The following BMP4 variants were observed in gnomAD, a reference collection of about 807,000 sequenced individuals.
BMP4 encodes the protein bone morphogenetic protein 2B.
In BMP4, 3 loss-of-function variants were observed where a neutral mutation model predicts 29.6. The ratio of observed to expected loss-of-function variants is 0.10; its 90% CI spans 0.05 to 0.26. The LOEUF is 0.26. Among genes scored for constraint, BMP4 ranks in the 10% least tolerant of loss-of-function variants. The pLI is 1.00. For synonymous variants in BMP4, 197 were observed against 213.2 expected (o/e 0.92, Z 0.66); for missense variants, 455 against 550.2 (o/e 0.83, Z 1.73).
In BMP4 at chr14:53,955,330, A is replaced by C. The variant is rs1206010378; in HGVS notation, c.-133+1220T>G. The C allele has an allele frequency of 6.6e-6, 1 of 152,228 alleles. No individual in the cohort carries two copies. The highest frequency in any genetic ancestry group is 1.5e-5 in the Non-Finnish European group (1 of 68,058). The allele number at this position is 152,228 out of a possible 1,614,324, so 9.4% of individuals were successfully genotyped here. A position where few individuals can be genotyped will look rare whatever the true frequency, so the allele number is the denominator to read the frequency against. On this transcript the variant is annotated intron_variant, in intron 1 of 3. Coordinates refer to ENST00000245451, the MANE Select transcript of BMP4 (RefSeq NM_001202.6). The surrounding 1 kb of genome is among the most constrained non-coding windows in gnomAD (Gnocchi z 4.0). ...GCCCCAAGGAATCTCCTGGGGCGGG[A>C]GAGCGCGGTTCTAAAACCGAGAGGA...
Position 53,952,392 on chromosome 14 carries a change from G to C in BMP4, c.-7-163C>G, listed in dbSNP as rs10130587. 0.45 allele frequency among the ~76,000 whole-genome samples: 66,166 copies of C among 147,082 alleles called. 15,219 individuals carry two copies. Among genetic ancestry groups the C allele is most frequent in the African/African-American group, 0.53 (21,051 of 39,988 alleles). ...TTGTGTCTTCTCCCTCACACCACCC[G>C]CCCACCCACCAGCTGCAGCCATGCA... On this transcript the variant is annotated intron_variant, in intron 2 of 3. Coordinates refer to ENST00000245451, the MANE Select transcript of BMP4 (RefSeq NM_001202.6).
chr14:53,952,176 A>G lies in BMP4; in HGVS notation c.47T>C (p.Val16Ala). 6.2e-7 allele frequency: 1 copy of G among 1,614,086 alleles called. No homozygotes were observed. Among genetic ancestry groups the G allele is most frequent in the Non-Finnish European group, 8.5e-7 (1 of 1,180,008 alleles). The part of the protein sequence containing the change: ...RMLMVVLLCQ[V>A]LLGGASHASL... Reference sequence around the variant, plus strand: ...AGCATGGCTCGCGCCTCCTAGCAGGACTTGGCATAATAAAACGACCATCAG... The same window carrying G: ...AGCATGGCTCGCGCCTCCTAGCAGGGCTTGGCATAATAAAACGACCATCAG... Residue 16 changes from valine (V) to alanine (A), a missense_variant, in exon 3 of 4, where the codon GTC becomes GCC. Val to Ala is a moderately conservative substitution (Grantham distance 64). Transcript: ENST00000245451.
chr14:53,952,661 C>G (rs1035934344), intron 2 of BMP4, among the ~76,000 whole-genome samples: 1 of 152,126 alleles, frequency 6.6e-6, no homozygotes, highest in African/African-American at 2.4e-5. Context: ...CTCCCTTTTC[C>G]TCCACCCTCA....
intron 3 of BMP4, chr14:53,951,575 A>C: frequency 2.4e-6 from 1 of 420,556 alleles, no homozygotes. Context: ...ACGGGCAGAA[A>C]ACCTAGCAGA....
chr14:53,951,630 G>T, intron 3 of BMP4: 4 of 659,196 alleles, frequency 6.1e-6, no homozygotes, highest in Middle Eastern at 4.4e-4. Flanking sequence ...GCTAGCCCAC[G>T]TCTGAGTGCT....
At chr14:53,953,032 T>G (rs1895529658) in intron 2 of BMP4, among the ~76,000 whole-genome samples, 1 of 152,114 alleles carries the variant, frequency 6.6e-6, no homozygotes, top group African/African-American at 2.4e-5. Flanking sequence ...CTTTCATCTC[T>G]TTAGCTCCCT....
rs1366296547 is a variant in BMP4 at position 53,954,788 on chromosome 14, T to G, written c.-132-1388A>C. Among the ~76,000 whole-genome samples, 2 of 151,928 alleles carry G rather than the reference T, an allele frequency of 1.3e-5. No homozygotes were observed. The highest frequency in any genetic ancestry group is 4.8e-5 in the African/African-American group (2 of 41,362). On this transcript the variant is annotated intron_variant, in intron 1 of 3. Coordinates refer to ENST00000245451, the MANE Select transcript of BMP4 (RefSeq NM_001202.6). This position sits in a 1 kb window ranked among gnomAD's most constrained non-coding sequence, Gnocchi z 4.8. The stretch of plus-strand genomic sequence containing the variant: ...GTCCCCGGGGCCCGGGCCCCATGAC[T>G]CCTGCCCCAAAGCCCACTCCACCCG...
In BMP4 at chr14:53,955,135, G is replaced by A. The variant is rs1053421042; in HGVS notation, c.-133+1415C>T. On this transcript the variant is annotated intron_variant, in intron 1 of 3. Coordinates refer to ENST00000245451, the MANE Select transcript of BMP4 (RefSeq NM_001202.6). The surrounding 1 kb of genome is among the most constrained non-coding windows in gnomAD (Gnocchi z 4.0). ...CCACCGCTGGGGCGGGCTGCGAAAG[G>A]GTTGGGAAGAGCAAAGGGTTTTTTT... is the stretch of plus-strand genomic sequence containing the variant. 1.1e-4 allele frequency among the ~76,000 whole-genome samples: 16 copies of A among 152,306 alleles called. No homozygotes were observed. The highest frequency in any genetic ancestry group is 3.8e-4 in the African/African-American group (16 of 41,588).
At chr14:53,951,321 AT>A (rs1182579177) in intron 3 of BMP4, 1 of 243,336 alleles carries the variant, frequency 4.1e-6, no homozygotes, top group Non-Finnish European at 8.0e-6. Flanking sequence ...CTCTTCCACT[AT>A]TGAGTATGTT....
rs1003477871 is a variant in BMP4 at position 53,953,234 on chromosome 14, G to C, written c.-8+42C>G. On this transcript the variant is annotated intron_variant, in intron 2 of 3. Transcript: ENST00000245451. The stretch of plus-strand genomic sequence containing the variant: ...CCGGCGAGCAGGGGTGGTGAGGGCA[G>C]AGTGAATTCCGGGGAGGGGGAAGGA... The C allele has an allele frequency of 1.3e-5, 5 of 395,998 alleles. No individual in the cohort carries two copies. The East Asian group carries it at 1.8e-4, about 14-fold the overall frequency. The allele number at this position is 395,998 out of a possible 1,614,324, so 24.5% of individuals were successfully genotyped here.
At position 53,950,703 on chromosome 14, in the gene BMP4, G is replaced by T. The variant is rs1452882837; in HGVS notation, c.556C>A (p.Pro186Thr). The change falls in exon 4 of 4, where the codon CCC (proline) becomes ACC (threonine). Residue 186 changes from proline (P) to threonine (T), a missense_variant. Physicochemically the swap from Pro to Thr is conservative, Grantham distance 38. Transcript: ENST00000245451. This position sits in a 1 kb window ranked among gnomAD's most constrained non-coding sequence, Gnocchi z 5.4. ...HRINIYEVMK[P>T]PAEVVPGHLI... is the part of the protein sequence containing the mutation. Reference sequence around the variant, plus strand: ...TGCCCAGGCACCACTTCTGCTGGGGGCTTCATAACCTCATAAATGTTTATA... The same window carrying T: ...TGCCCAGGCACCACTTCTGCTGGGGTCTTCATAACCTCATAAATGTTTATA... The T allele has an allele frequency of 6.2e-7, 1 of 1,614,210 alleles. No individual in the cohort carries two copies. Among genetic ancestry groups the T allele is most frequent in the Non-Finnish European group, 8.5e-7 (1 of 1,180,042 alleles).
chr14:53,950,497 A>G lies in BMP4; in HGVS notation c.762T>C (p.Ile254=), dbSNP rs1375082670. The part of the protein sequence containing the change: ...TRTHQGQHVR[I]SRSLPQGSGN... ...CACTCCCTTGAGGTAACGATCGGCT[A>G]ATCCTGACATGCTGGCCCTGGTGGG... The change falls in exon 4 of 4, where the codon ATT becomes ATC. Residue 254 remains isoleucine (I), a synonymous_variant. Transcript: ENST00000245451. The surrounding 1 kb of genome is among the most constrained non-coding windows in gnomAD (Gnocchi z 5.4). 29 of 1,614,074 alleles carry G rather than the reference A, an allele frequency of 1.8e-5. No homozygotes were observed. The highest frequency in any genetic ancestry group is 2.3e-5 in the Non-Finnish European group (27 of 1,180,050).
chr14:53,956,053 GGC>G (rs1180476959), intron 1 of BMP4: 1 of 152,628 alleles, frequency 6.6e-6, no homozygotes. Context: ...CCTCCGGAGC[GGC>G]GCGCACTCTC....
At chr14:53,952,600 G>A (rs1000610396) in intron 2 of BMP4, among the ~76,000 whole-genome samples, 4 of 152,062 alleles carry the variant, frequency 2.6e-5, no homozygotes, top group Non-Finnish European at 4.4e-5. Context: ...AAAGGGGTGG[G>A]GGAGGGAGAA....
chr14:53,953,216 G>C (rs1162454120), intron 2 of BMP4, 60 bp downstream of exon 2: 1 of 394,264 alleles, frequency 2.5e-6, no homozygotes, highest in Non-Finnish European at 4.5e-6. Flanking sequence ...CAGCCGGCGA[G>C]CAGGGGTGGT....
intron 1 of BMP4, among the ~76,000 whole-genome samples, chr14:53,956,206 C>A (rs1895711439): frequency 6.6e-6 from 1 of 152,246 alleles, no homozygotes; most frequent in Middle Eastern, 3.4e-3. Flanking sequence ...CGCTTTCCGT[C>A]CGGGGATCGC....
chr14:53,951,816 CA>C (rs749321751), intron 3 of BMP4, 36 bp downstream of exon 3: 1 of 1,596,436 alleles, frequency 6.3e-7, no homozygotes, highest in Non-Finnish European at 8.5e-7. Context: ...CCAGTCCCAC[CA>C]GCCCTCCCCC....
At chr14:53,952,453 G>C (rs1161765696) in intron 2 of BMP4, among the ~76,000 whole-genome samples, 1 of 151,904 alleles carries the variant, frequency 6.6e-6, no homozygotes, top group Admixed American at 6.6e-5. Context: ...TAATTACTTG[G>C]TCTAACTTGT....
Position 53,949,984 on chromosome 14 carries a change from G to A in BMP4, c.*48C>T. On this transcript the variant is annotated 3_prime_UTR_variant, in exon 4 of 4. Coordinates refer to ENST00000245451, the MANE Select transcript of BMP4 (RefSeq NM_001202.6). ...AACGTGTGTGTGTGGTGTATGTGGT[G>A]TGTGTGTGTGGTGTGTATATCTGTC... The A allele has an allele frequency of 6.2e-7, 1 of 1,603,370 alleles. No homozygotes were observed. The highest frequency in any genetic ancestry group is 2.2e-5 in the East Asian group (1 of 44,784).
Sources: allele counts gnomAD v4.1 joint callset (sites outside exome capture counted in the v4.1 genomes callset), GRCh38; gene constraint gnomAD v4.1.1; non-coding constraint Gnocchi (gnomAD v3.1); transcripts MANE v1.5; gene names NCBI Gene and HGNC (gene_info 2026-07-23, HGNC 2026-07-21).